Variants in LAMC1 observed in about 807,000 individuals in gnomAD.
LAMC1 encodes the protein laminin subunit gamma-1.
LAMC1 carries 38 observed loss-of-function variants against 173.6 expected under a neutral mutation model. The ratio of observed to expected loss-of-function variants is 0.22; its 90% CI spans 0.17 to 0.29. The LOEUF (loss-of-function observed/expected upper bound fraction) is 0.29, where lower values mean the gene tolerates loss of function less well. Among genes scored for constraint, LAMC1 ranks in the 10% least tolerant of loss-of-function variants. The probability of loss-of-function intolerance (pLI) is 1.00; values close to 1 mark genes in which losing one functional copy is unlikely to be tolerated. For synonymous variants in LAMC1, 746 were observed against 749.1 expected (o/e 1.00, Z 0.07); for missense variants, 1,824 against 2,051.8 (o/e 0.89, Z 2.14).
Position 183,117,712 on chromosome 1 carries a change from G to A in LAMC1, c.1866G>A (p.Lys622=), listed in dbSNP as rs768747094. 4 of 1,613,614 alleles carry A rather than the reference G, an allele frequency of 2.5e-6. No homozygotes were observed. The South Asian group carries it at 4.4e-5, about 18-fold the overall frequency. ...GNSYPSETTV[K]YVFRLHEATD... is the part of the protein sequence containing the mutation. ...CCTATCCAAGTGAGACCACTGTGAA[G>A]TATGTCTTCAGGTAAGATAGCCTTC... The change falls in exon 10 of 28, where the codon AAG becomes AAA. Residue 622 remains lysine (K), a synonymous_variant. Transcript: ENST00000258341.
intron 1 of LAMC1, among the ~76,000 whole-genome samples, chr1:183,045,993 A>G (rs1039789060): frequency 3.3e-5 from 5 of 152,014 alleles, no homozygotes; most frequent in African/African-American, 1.2e-4. Context: ...TATTCTTTAT[A>G]CTAATCCTTT....
chr1:183,029,237 C>G (rs1408906361), intron 1 of LAMC1, among the ~76,000 whole-genome samples: 1 of 152,208 alleles, frequency 6.6e-6, no homozygotes, highest in Non-Finnish European at 1.5e-5. Context: ...TATATCCAGA[C>G]ACTATGTGTC....
intron 3 of LAMC1, among the ~76,000 whole-genome samples, chr1:183,109,586 A>T (rs567217525): frequency 6.6e-6 from 1 of 152,180 alleles, no homozygotes; most frequent in Non-Finnish European, 1.5e-5. Flanking sequence ...GGGGACATCA[A>T]AGTTTGTGCA....
chr1:183,117,788 G>GT, intron 10 of LAMC1, 65 bp downstream of exon 10: 1 of 1,393,530 alleles, frequency 7.2e-7, no homozygotes, highest in South Asian at 1.2e-5. Context: ...CTTTATTTAA[G>GT]TTTAACTGGC....
At position 183,128,598 on chromosome 1, in the gene LAMC1, C is replaced by A; in HGVS notation, c.3128C>A (p.Ala1043Asp). The change falls in exon 18 of 28, where the codon GCT becomes GAT. Residue 1043 changes from alanine (A) to aspartate (D), a missense_variant. By Grantham distance (126) the Ala-to-Asp change is moderately radical (BLOSUM62 -2). Transcript: ENST00000258341. ...TTCTTTCTTCTTTATGTTTAGGTTG[C>A]TGATCATAGAGTGAAGCTCCAGGAA... ...ACYRLVKDKV[A>D]DHRVKLQELE... The A allele has an allele frequency of 6.2e-7, 1 of 1,604,558 alleles. No individual in the cohort carries two copies. The highest frequency in any genetic ancestry group is 1.1e-5 in the South Asian group (1 of 89,162).
At chr1:183,064,547 A>G (rs978363934) in intron 1 of LAMC1, among the ~76,000 whole-genome samples, 1 of 152,184 alleles carries the variant, frequency 6.6e-6, no homozygotes, top group African/African-American at 2.4e-5. Flanking sequence ...TAATAAAAAC[A>G]AGTAAGACAA....
At chr1:183,045,382 T>G (rs1006072640) in intron 1 of LAMC1, among the ~76,000 whole-genome samples, 21 of 152,084 alleles carry the variant, frequency 1.4e-4, no homozygotes, top group Non-Finnish European at 7.4e-5. Context: ...GTCTTTTGCT[T>G]TTAAAAGAAA....
chr1:183,028,150 T>TCCC (rs1553252306), intron 1 of LAMC1, among the ~76,000 whole-genome samples: 1 of 145,702 alleles, frequency 6.9e-6, no homozygotes, highest in African/African-American at 2.5e-5. Flanking sequence ...TATAAGGCAT[T>TCCC]CCTCCCCCCC....
intron 1 of LAMC1, among the ~76,000 whole-genome samples, chr1:183,085,814 G>A (rs1216092640): frequency 6.6e-6 from 1 of 152,172 alleles, no homozygotes; most frequent in East Asian, 1.9e-4. Context: ...TAAAGGTGTG[G>A]AAAATTGGTG....
intron 1 of LAMC1, among the ~76,000 whole-genome samples, chr1:183,029,250 G>T (rs540894769): frequency 8.5e-5 from 13 of 152,182 alleles, no homozygotes; most frequent in Non-Finnish European, 1.9e-4. Flanking sequence ...TATGTGTCTT[G>T]AATGCTTATC....
rs1348806080 is a variant in LAMC1, at chr1:183,128,912, A to G, written c.3280+162A>G. ...TTTTTAAACACTAATTCAAAAAGCAACCTGACAAATTTACTGCTTTAAGCT... is the reference window on the plus strand; with the variant it reads ...TTTTTAAACACTAATTCAAAAAGCAGCCTGACAAATTTACTGCTTTAAGCT... On this transcript the variant is annotated intron_variant, in intron 18 of 27. Coordinates refer to ENST00000258341, the MANE Select transcript of LAMC1 (RefSeq NM_002293.4). 18 of 457,158 alleles carry G rather than the reference A, an allele frequency of 3.9e-5. 1 individual carries two copies. Among genetic ancestry groups the G allele is most frequent in the Non-Finnish European group, 1.1e-5 (3 of 279,768 alleles). The allele number at this position is 457,158 out of a possible 1,614,324, so 28.3% of individuals were successfully genotyped here.
chr1:183,132,418 T>A lies in LAMC1; in HGVS notation c.3585T>A (p.Asp1195Glu), dbSNP rs773389880. Reference sequence around the variant, plus strand: ...TGTATAGTCATAAACAGGAAGCTGATGACATTGTTCGAGTGGCAAAGACAG... The same window carrying A: ...TGTATAGTCATAAACAGGAAGCTGAAGACATTGTTCGAGTGGCAAAGACAG... Reference protein sequence around the residue: ...KLAERHKQEADDIVRVAKTAN... With the variant: ...KLAERHKQEAEDIVRVAKTAN... Residue 1195 changes from aspartate (D) to glutamate (E), a missense_variant, in exon 21 of 28, where the codon GAT (aspartate) becomes GAA (glutamate). Transcript: ENST00000258341. The A allele has an allele frequency of 6.2e-7, 1 of 1,613,982 alleles. No homozygotes were observed. Among genetic ancestry groups the A allele is most frequent in the East Asian group, 2.2e-5 (1 of 44,870 alleles).
At chr1:183,134,868 GGTCTGT>G (rs3831074) in intron 23 of LAMC1, 59 bp downstream of exon 23, 193,737 of 1,535,150 alleles carry the variant, frequency 0.13, 13,664 homozygotes, top group Admixed American at 0.25. Flanking sequence ...AGTCCAAATG[GGTCTGT>G]GATGATGCCG....
Position 183,023,927 on chromosome 1 carries a change from A to T in LAMC1, c.211A>T (p.Thr71Ser), listed in dbSNP as rs756565770. ...VTVVATNTCG[T>S]PPEEYCVQTG... ...TGTGGTGGCCACCAACACGTGTGGG[A>T]CTCCGCCCGAGGAATACTGTGTGCA... The change falls in exon 1 of 28, where the codon ACT (threonine) becomes TCT (serine). Residue 71 changes from threonine (T) to serine (S), a missense_variant. By Grantham distance (58) the Thr-to-Ser change is moderately conservative (BLOSUM62 1). Transcript: ENST00000258341. The T allele has an allele frequency of 1.2e-6, 2 of 1,613,008 alleles. No homozygotes were observed. The highest frequency in any genetic ancestry group is 1.7e-6 in the Non-Finnish European group (2 of 1,179,898).
intron 1 of LAMC1, among the ~76,000 whole-genome samples, chr1:183,090,182 TA>T (rs1407619975): frequency 6.6e-6 from 1 of 151,958 alleles, no homozygotes; most frequent in African/African-American, 2.4e-5. Flanking sequence ...GAATCACAAA[TA>T]AAAGCCAATT....
intron 4 of LAMC1, among the ~76,000 whole-genome samples, chr1:183,111,097 CTT>C (rs71297854): frequency 2.8e-5 from 4 of 144,796 alleles, no homozygotes; most frequent in Admixed American, 6.9e-5. Flanking sequence ...TTTTTCTTTT[CTT>C]TTTTTTTTTT....
chr1:183,125,252 C>T (rs1252051269), intron 14 of LAMC1, 145 bp from the exon 15 acceptor site: 1 of 761,882 alleles, frequency 1.3e-6, no homozygotes, highest in Non-Finnish European at 2.2e-6. Flanking sequence ...GACTCACCAG[C>T]CACATTTAAA....
At chr1:183,111,275 C>T (rs1248614255) in intron 4 of LAMC1, among the ~76,000 whole-genome samples, 8 of 151,862 alleles carry the variant, frequency 5.3e-5, no homozygotes, top group East Asian at 1.9e-4. Context: ...TTAGTAGAGA[C>T]GGGGTTTCAC....
Position 183,137,824 on chromosome 1 carries a change from G to C in LAMC1, c.4470G>C (p.Gly1490=). 1 of 1,598,604 alleles carries C rather than the reference G, an allele frequency of 6.3e-7. No homozygotes were observed. Among genetic ancestry groups the C allele is most frequent in the Non-Finnish European group, 8.5e-7 (1 of 1,172,928 alleles). ...CTGACCAGGACATGATGATGGCAGG[G>C]ATGGTAAGAGGTTTTGGTATATTTG... ...DDADQDMMMA[G]MASQAAQEAE... is the part of the protein sequence containing the mutation. The change falls in exon 26 of 28, where the codon GGG becomes GGC. Residue 1490 remains glycine (G), a synonymous_variant. Transcript: ENST00000258341.
Sources: allele counts gnomAD v4.1 joint callset (sites outside exome capture counted in the v4.1 genomes callset), GRCh38; gene constraint gnomAD v4.1.1; transcripts MANE v1.5; gene names NCBI Gene and HGNC (gene_info 2026-07-23, HGNC 2026-07-21).